The following FBLN1 variants were observed in gnomAD, a reference collection of about 807,000 sequenced individuals.
The protein encoded by FBLN1 is fibulin 1.
A neutral mutation model predicts 89.7 loss-of-function variants in FBLN1; 34 were observed. The observed-to-expected ratio is 0.38, with a 90% CI of 0.29 to 0.50. FBLN1 has a LOEUF of 0.50. FBLN1 is among the 20% of genes least tolerant of loss of function. The pLI is 0.92. For synonymous variants in FBLN1, 393 were observed against 391.3 expected, an observed-to-expected ratio of 1.00 and a Z score of -0.05; for missense variants, 777 against 988.1, an observed-to-expected ratio of 0.79 and a Z score of 2.86.
chr22:45,523,012 T>G, intron 2 of FBLN1: 2 of 596,428 alleles, frequency 3.4e-6, no homozygotes, highest in African/African-American at 1.8e-5. Context: ...CGTCTGATGG[T>G]TTGTAGGAAG....
chr22:45,569,076 C>G (rs893027599), intron 14 of FBLN1, among the ~76,000 whole-genome samples: 1 of 152,188 alleles, frequency 6.6e-6, no homozygotes, highest in Non-Finnish European at 1.5e-5. Context: ...ATTACATCTG[C>G]AATGACCGTA....
intron 14 of FBLN1, among the ~76,000 whole-genome samples, chr22:45,566,938 A>G (rs959570924): frequency 7.9e-5 from 12 of 152,250 alleles, no homozygotes; most frequent in Non-Finnish European, 1.6e-4. Context: ...TGACCATGAG[A>G]CAGGCGCTGT....
At position 45,545,876 on chromosome 22, in the gene FBLN1, A is replaced by T. The variant is rs529143665; in HGVS notation, c.1322-1209A>T. 1.3e-5 allele frequency among the ~76,000 whole-genome samples: 2 copies of T among 152,334 alleles called. No homozygotes were observed. Among genetic ancestry groups the T allele is most frequent in the East Asian group, 3.9e-4 (2 of 5,178 alleles). ...TAAAAGAATGAGTGTGGCAGGGCAC[A>T]GTGGCTCACACCTGTAATCCCAGCA... On this transcript the variant is annotated intron_variant, in intron 11 of 16. Coordinates refer to ENST00000327858, the MANE Select transcript of FBLN1 (RefSeq NM_006486.3). This position sits in a 1 kb window ranked among gnomAD's most constrained non-coding sequence, Gnocchi z 5.9.
chr22:45,542,340 C>T, intron 10 of FBLN1, 57 bp downstream of exon 10: 19 of 1,608,358 alleles, frequency 1.2e-5, no homozygotes, highest in Non-Finnish European at 1.6e-5. Flanking sequence ...ACCAGGGACA[C>T]ATTTCTGTGG....
chr22:45,560,930 A>C (rs2088843883), intron 14 of FBLN1, among the ~76,000 whole-genome samples: 1 of 152,106 alleles, frequency 6.6e-6, no homozygotes, highest in Non-Finnish European at 1.5e-5. Flanking sequence ...TGCCTCAGGC[A>C]GCGTGGGGTT....
Position 45,574,777 on chromosome 22 carries a change from CTTT to C in FBLN1, c.1840+144_1840+146del, listed in dbSNP as rs756869112. 0.013 allele frequency: 5,629 copies of C among 440,584 alleles called. No homozygotes were observed. The highest frequency in any genetic ancestry group is 0.02 in the East Asian group (476 of 23,858). The allele number at this position is 440,584 out of a possible 1,614,324, so 27.3% of individuals were successfully genotyped here. On this transcript the variant is annotated intron_variant, in intron 15 of 16. Transcript: ENST00000327858. This position sits in a 1 kb window ranked among gnomAD's most constrained non-coding sequence, Gnocchi z 4.1. Reference sequence around the variant, plus strand: ...CCCAGGCTTTGAAATGCAGAACTTTCTTTTTTTTTTTTTTTTTTTTTTGAGACG... The same window carrying C: ...CCCAGGCTTTGAAATGCAGAACTTTCTTTTTTTTTTTTTTTTTTTGAGACG...
intron 1 of FBLN1, among the ~76,000 whole-genome samples, chr22:45,505,002 C>G (rs982780710): frequency 6.6e-6 from 1 of 152,244 alleles, no homozygotes; most frequent in African/African-American, 2.4e-5. Flanking sequence ...CCACAAGTGG[C>G]ACCGCCCCTG....
rs924086067 is a variant in FBLN1, at chr22:45,562,779, G to A, written c.1698-11732G>A. On this transcript the variant is annotated intron_variant, in intron 14 of 16. Coordinates refer to ENST00000327858, the MANE Select transcript of FBLN1 (RefSeq NM_006486.3). This position sits in a 1 kb window ranked among gnomAD's most constrained non-coding sequence, Gnocchi z 7.8. ...CGCAGGTGAGTGAGGTGTGCCCTTCGTGTTGGCTGAATCGGCCAGAGGGGC... is the reference window on the plus strand; with the variant it reads ...CGCAGGTGAGTGAGGTGTGCCCTTCATGTTGGCTGAATCGGCCAGAGGGGC... 2.6e-5 allele frequency: 23 copies of A among 873,232 alleles called. No individual in the cohort carries two copies. The highest frequency in any genetic ancestry group is 1.4e-4 in the Admixed American group (8 of 58,524). The allele number at this position is 873,232 out of a possible 1,614,324, so 54.1% of individuals were successfully genotyped here.
rs547608602 is a variant in FBLN1, at chr22:45,516,936, C to G, written c.80-1746C>G. 2.4e-4 allele frequency among the ~76,000 whole-genome samples: 36 copies of G among 152,340 alleles called. 1 individual carries two copies. Among genetic ancestry groups the G allele is most frequent in the Middle Eastern group, 6.8e-3 (2 of 294 alleles). On this transcript the variant is annotated intron_variant, in intron 1 of 16. Coordinates refer to ENST00000327858, the MANE Select transcript of FBLN1 (RefSeq NM_006486.3). ...TGGCCTGGCTGAGCCCTAGCTCATT[C>G]GTGCACTGACCTTATCCATTCTGGA... is the stretch of plus-strand genomic sequence containing the variant.
intron 16 of FBLN1, among the ~76,000 whole-genome samples, chr22:45,582,776 G>T (rs1450879562): frequency 3.9e-5 from 6 of 152,344 alleles, no homozygotes; most frequent in Admixed American, 3.9e-4. Flanking sequence ...ATATGATTTA[G>T]TGCACGTGTG....
chr22:45,552,044 C>G (rs1264382732), intron 14 of FBLN1, among the ~76,000 whole-genome samples: 1 of 152,226 alleles, frequency 6.6e-6, no homozygotes. Flanking sequence ...AGCTCCACCC[C>G]TCATGTTGGC....
Position 45,549,390 on chromosome 22 carries a change from A to G in FBLN1, c.1573+646A>G, listed in dbSNP as rs116145806. Reference sequence around the variant, plus strand: ...GTCCAGCCAGTTCCTCGGGAGCCCCACACAGGACTGTGGATCCTGGGGCTC... The same window carrying G: ...GTCCAGCCAGTTCCTCGGGAGCCCCGCACAGGACTGTGGATCCTGGGGCTC... On this transcript the variant is annotated intron_variant, in intron 13 of 16. Transcript: ENST00000327858. This position sits in a 1 kb window ranked among gnomAD's most constrained non-coding sequence, Gnocchi z 5.7. 0.013 allele frequency among the ~76,000 whole-genome samples: 2,005 copies of G among 152,318 alleles called. 56 individuals carry two copies. The highest frequency in any genetic ancestry group is 0.046 in the African/African-American group (1,921 of 41,564).
chr22:45,559,608 G>A (rs1275998305), intron 14 of FBLN1, among the ~76,000 whole-genome samples: 1 of 152,056 alleles, frequency 6.6e-6, no homozygotes, highest in African/African-American at 2.4e-5. Context: ...TGAGTCCGGG[G>A]ACCCACTGGA....
intron 16 of FBLN1, among the ~76,000 whole-genome samples, chr22:45,582,708 C>G (rs2089052874): frequency 6.6e-6 from 1 of 152,196 alleles, no homozygotes; most frequent in African/African-American, 2.4e-5. Context: ...ACCTACGCAT[C>G]TTAGAAGACA....
intron 3 of FBLN1, 107 bp from the exon 4 acceptor site, chr22:45,527,740 A>G: frequency 3.5e-6 from 4 of 1,136,210 alleles, no homozygotes; most frequent in Non-Finnish European, 5.3e-6. Context: ...ATCACTCTAC[A>G]GGTTGTGTGG....
rs2089106943 is a variant in FBLN1 at position 45,588,466 on chromosome 22, C to T, written c.1972+11358C>T. On this transcript the variant is annotated intron_variant, in intron 16 of 16. Transcript: ENST00000327858. The surrounding 1 kb of genome is among the most constrained non-coding windows in gnomAD (Gnocchi z 5.1). ...ACAGAAGAGCCTCCAGGGGTTTATTCGTGCAAGGCTACCCTCTGTCACCCT... is the reference window on the plus strand; with the variant it reads ...ACAGAAGAGCCTCCAGGGGTTTATTTGTGCAAGGCTACCCTCTGTCACCCT... Among the ~76,000 whole-genome samples, 1 of 152,182 alleles carries T rather than the reference C, an allele frequency of 6.6e-6. No homozygotes were observed. The highest frequency in any genetic ancestry group is 3.2e-3 in the Middle Eastern group (1 of 316).
intron 14 of FBLN1, chr22:45,551,067 A>G (rs2088695263): frequency 3.8e-6 from 1 of 265,014 alleles, no homozygotes; most frequent in Non-Finnish European, 7.4e-6. Context: ...GCCCACCTGA[A>G]AGCCAGAATT....
intron 8 of FBLN1, among the ~76,000 whole-genome samples, chr22:45,540,327 G>A (rs1465870137): frequency 1.3e-5 from 2 of 152,216 alleles, no homozygotes; most frequent in African/African-American, 4.8e-5. Context: ...TGTGGTGCTC[G>A]AGAGCGGTCA....
intron 1 of FBLN1, among the ~76,000 whole-genome samples, chr22:45,516,267 C>A (rs1262481566): frequency 6.6e-6 from 1 of 150,804 alleles, no homozygotes; most frequent in African/African-American, 2.4e-5. Flanking sequence ...ACATGGGAAC[C>A]GGGGTTGGCT....
Sources: gnomAD v4.1 joint callset for allele counts (sites outside exome capture counted in the v4.1 genomes callset) on GRCh38, gnomAD v4.1.1 for gene constraint, Gnocchi (gnomAD v3.1) non-coding constraint, MANE v1.5 for transcripts, NCBI Gene and HGNC (gene_info 2026-07-23, HGNC 2026-07-21) for gene names.